BMP6: variants seen among roughly 807,000 people sequenced by gnomAD.
BMP6 encodes the protein VG-1-R.
A neutral mutation model predicts 54.1 loss-of-function variants in BMP6; 17 were observed. The observed-to-expected ratio is 0.31, with a 90% CI of 0.22 to 0.47. The LOEUF is 0.47. BMP6 is among the 20% of genes least tolerant of loss of function. The probability of loss-of-function intolerance (pLI) is 1.00; values close to 1 mark genes in which losing one functional copy is unlikely to be tolerated. For synonymous variants in BMP6, 328 were observed against 291.2 expected (o/e 1.13, Z -1.28); for missense variants, 720 against 690.4 (o/e 1.04, Z -0.48).
At chr6:7,755,786 G>A (rs59547192) in intron 1 of BMP6, among the ~76,000 whole-genome samples, 2,320 of 151,986 alleles carry the variant, frequency 0.015, 54 homozygotes, top group African/African-American at 0.04. Flanking sequence ...CTCTATCTGT[G>A]TTGTGGAAAG....
intron 2 of BMP6, among the ~76,000 whole-genome samples, chr6:7,849,477 G>T (rs1356562149): frequency 1.3e-5 from 2 of 152,252 alleles, no homozygotes; most frequent in East Asian, 3.9e-4. Flanking sequence ...AGTATAGACT[G>T]CTCTGAATGA....
At chr6:7,735,750 T>G (rs1761945112) in intron 1 of BMP6, among the ~76,000 whole-genome samples, 1 of 152,166 alleles carries the variant, frequency 6.6e-6, no homozygotes, top group Non-Finnish European at 1.5e-5. Context: ...GGACACATCA[T>G]TGTCACCTAA....
At chr6:7,772,317 A>T (rs764330752) in intron 1 of BMP6, among the ~76,000 whole-genome samples, 1 of 152,232 alleles carries the variant, frequency 6.6e-6, no homozygotes, top group Non-Finnish European at 1.5e-5. Flanking sequence ...GCTTTCTCAC[A>T]TACAGAATTA....
intron 1 of BMP6, among the ~76,000 whole-genome samples, chr6:7,771,676 C>T (rs914915255): frequency 2.1e-5 from 2 of 96,706 alleles, no homozygotes; most frequent in Admixed American, 2.6e-4. Flanking sequence ...TTAGGCAGGG[C>T]ATGGAGGGGT....
intron 1 of BMP6, among the ~76,000 whole-genome samples, chr6:7,758,924 G>A (rs549859758): frequency 6.6e-6 from 1 of 152,294 alleles, no homozygotes; most frequent in Non-Finnish European, 1.5e-5. Context: ...AGAGGTCCTC[G>A]TGTAAGACTA....
At chr6:7,861,323 T>C in intron 2 of BMP6, 128 bp from the exon 3 acceptor site, 1 of 1,237,546 alleles carries the variant, frequency 8.1e-7, no homozygotes, top group Non-Finnish European at 1.1e-6. Flanking sequence ...GGCAAGTCAC[T>C]GTGCTTGTGC....
intron 1 of BMP6, among the ~76,000 whole-genome samples, chr6:7,811,845 T>A (rs1758440890): frequency 6.6e-6 from 1 of 152,260 alleles, no homozygotes; most frequent in Non-Finnish European, 1.5e-5. Flanking sequence ...TGGAAGCACC[T>A]AATTTTCTGT....
Position 7,727,116 on chromosome 6 carries a change from A to T in BMP6, c.161A>T (p.Glu54Val), listed in dbSNP as rs1761741443. ...LGDGGSPGRT[E>V]QPPPSPQSSS... ...GACGGCGGGAGCCCCGGCCGCACGG[A>T]GCAGCCGCCGCCGTCGCCGCAGTCC... Residue 54 changes from glutamate to valine, a missense_variant, in exon 1 of 7, where the codon GAG becomes GTG. By Grantham distance (121) the Glu-to-Val change is moderately radical. Transcript: ENST00000283147. 6.6e-7 allele frequency: 1 copy of T among 1,515,880 alleles called. No individual in the cohort carries two copies. Among genetic ancestry groups the T allele is most frequent in the Non-Finnish European group, 8.8e-7 (1 of 1,133,612 alleles). The allele number at this position is 1,515,880 out of a possible 1,614,324, so 93.9% of individuals were successfully genotyped here.
At chr6:7,830,354 C>T (rs922234353) in intron 1 of BMP6, among the ~76,000 whole-genome samples, 2 of 152,162 alleles carry the variant, frequency 1.3e-5, no homozygotes, top group Non-Finnish European at 2.9e-5. Context: ...CATTGTGAGC[C>T]TACTATGTGC....
chr6:7,828,691 C>T (rs144228457), intron 1 of BMP6, among the ~76,000 whole-genome samples: 12 of 152,336 alleles, frequency 7.9e-5, no homozygotes, highest in Middle Eastern at 3.4e-3. Context: ...GACTGCATGA[C>T]GCAACAAAAC....
chr6:7,733,595 T>C (rs1009411878), intron 1 of BMP6, among the ~76,000 whole-genome samples: 3 of 152,190 alleles, frequency 2.0e-5, no homozygotes, highest in African/African-American at 7.2e-5. Flanking sequence ...GGGGCAGATA[T>C]AGGGCATAGC....
chr6:7,736,484 G>T (rs575900043), intron 1 of BMP6, among the ~76,000 whole-genome samples: 9 of 152,318 alleles, frequency 5.9e-5, no homozygotes, highest in African/African-American at 1.4e-4. Flanking sequence ...CTAAGGGCAG[G>T]ATCAGAGGAC....
At chr6:7,774,969 T>C (rs1182384567) in intron 1 of BMP6, among the ~76,000 whole-genome samples, 2 of 152,110 alleles carry the variant, frequency 1.3e-5, no homozygotes, top group East Asian at 1.9e-4. Flanking sequence ...AAGAGAACAC[T>C]CAAAGGAGAA....
At chr6:7,775,968 C>T (rs906817570) in intron 1 of BMP6, among the ~76,000 whole-genome samples, 2 of 152,222 alleles carry the variant, frequency 1.3e-5, no homozygotes, top group African/African-American at 4.8e-5. Context: ...AACAGCACTT[C>T]CTCTACGTCC....
intron 4 of BMP6, among the ~76,000 whole-genome samples, chr6:7,864,739 G>A (rs746190612): frequency 5.9e-5 from 9 of 152,270 alleles, no homozygotes; most frequent in Middle Eastern, 6.8e-3. Flanking sequence ...GGTGTTTCTC[G>A]GAAGCATTGC....
intron 1 of BMP6, among the ~76,000 whole-genome samples, chr6:7,803,441 C>T (rs959570063): frequency 2.0e-5 from 3 of 152,176 alleles, no homozygotes; most frequent in African/African-American, 7.2e-5. Flanking sequence ...AGGGGATTCC[C>T]CACTGCCTTC....
chr6:7,867,089 C>T (rs1479776140), intron 4 of BMP6, among the ~76,000 whole-genome samples: 1 of 152,124 alleles, frequency 6.6e-6, no homozygotes, highest in Admixed American at 6.6e-5. Flanking sequence ...TCAGGCTGGT[C>T]TCAAACTCCT....
chr6:7,880,999 C>T lies in BMP6; in HGVS notation c.*656C>T, dbSNP rs553347815. 6.5e-6 allele frequency: 1 copy of T among 153,798 alleles called. No homozygotes were observed. Among genetic ancestry groups the T allele is most frequent in the East Asian group, 1.9e-4 (1 of 5,208 alleles). The allele number at this position is 153,798 out of a possible 1,614,324, so 9.5% of individuals were successfully genotyped here. A position where few individuals can be genotyped will look rare whatever the true frequency, so the allele number is the denominator to read the frequency against. On this transcript the variant is annotated 3_prime_UTR_variant, in exon 7 of 7. Transcript: ENST00000283147. ...ACCTCAATCCTCCATTTGCTGTACT[C>T]TTTGCTAGTACCAAAAGTAGACTGA...
chr6:7,880,397 C>T lies in BMP6; in HGVS notation c.*54C>T. On this transcript the variant is annotated 3_prime_UTR_variant, in exon 7 of 7. Coordinates refer to ENST00000283147, the MANE Select transcript of BMP6 (RefSeq NM_001718.6). ...TCTGCCTTGGATTCCTAGATTACAT[C>T]TGCCTTAAAAAAACACGGAAGCACA... The T allele has an allele frequency of 6.2e-7, 1 of 1,604,992 alleles. No individual in the cohort carries two copies. Among genetic ancestry groups the T allele is most frequent in the South Asian group, 1.1e-5 (1 of 90,634 alleles).
Sources: gnomAD v4.1 joint callset for allele counts (sites outside exome capture counted in the v4.1 genomes callset) on GRCh38, gnomAD v4.1.1 for gene constraint, MANE v1.5 for transcripts, NCBI Gene and HGNC (gene_info 2026-07-23, HGNC 2026-07-21) for gene names.